PRR5L: variants seen among roughly 807,000 people sequenced by gnomAD.
The protein encoded by PRR5L is proline rich 5 like, also known as proline-rich protein 5-like.
A neutral mutation model predicts 36.4 loss-of-function variants in PRR5L; 21 were observed. That is an observed-to-expected ratio of 0.58 (90% confidence interval 0.41 to 0.83). PRR5L has a LOEUF of 0.83. PRR5L is among the 40% of genes least tolerant of loss of function. PRR5L has a pLI of 0.00. For missense variants in PRR5L, 381 were observed against 473.3 expected (o/e 0.80, Z 1.81); for synonymous variants, 188 against 197.0 (o/e 0.95, Z 0.38).
At chr11:36,439,431 T>C (rs1185655242) in intron 6 of PRR5L, among the ~76,000 whole-genome samples, 2 of 152,140 alleles carry the variant, frequency 1.3e-5, no homozygotes, top group Admixed American at 6.5e-5. Context: ...GATGGTAAGA[T>C]CTGGCAACAA....
chr11:36,331,452 T>C (rs77624539), intron 1 of PRR5L, among the ~76,000 whole-genome samples: 14,633 of 152,216 alleles, frequency 0.096, 1,290 homozygotes, highest in African/African-American at 0.24. Flanking sequence ...GATTTGGTTC[T>C]CTTAAATAAA....
intron 3 of PRR5L, among the ~76,000 whole-genome samples, chr11:36,417,451 C>G (rs931303234): frequency 2.6e-5 from 4 of 152,210 alleles, no homozygotes; most frequent in African/African-American, 7.2e-5. Context: ...CCAACCCGCT[C>G]TTAGTCCAGT....
At position 36,385,878 on chromosome 11, in the gene PRR5L, C is replaced by T. The variant is rs150705347; in HGVS notation, c.-125-15119C>T. 1.2e-4 allele frequency among the ~76,000 whole-genome samples: 18 copies of T among 152,320 alleles called. No individual in the cohort carries two copies. The East Asian group carries it at 3.5e-3, about 29-fold the overall frequency. On this transcript the variant is annotated intron_variant, in intron 1 of 8. Coordinates refer to ENST00000530639, the MANE Select transcript of PRR5L (RefSeq NM_001160167.2). The stretch of plus-strand genomic sequence containing the variant: ...ACCCATGTGGTCCAGGTCTACGTCC[C>T]CGTGGACAATAATGCTTAGGTGGAC...
intron 1 of PRR5L, among the ~76,000 whole-genome samples, chr11:36,345,829 G>A (rs1286566177): frequency 1.3e-5 from 2 of 152,224 alleles, no homozygotes; most frequent in Non-Finnish European, 2.9e-5. Context: ...AGAAAGCTGG[G>A]AAGCGTCTAG....
At chr11:36,322,641 C>A (rs143864391) in intron 1 of PRR5L, among the ~76,000 whole-genome samples, 1 of 152,300 alleles carries the variant, frequency 6.6e-6, no homozygotes, top group Non-Finnish European at 1.5e-5. Context: ...AGTACTGCAT[C>A]TTTGGGACAC....
At chr11:36,376,029 G>A (rs1293041619) in intron 1 of PRR5L, 5 of 587,136 alleles carry the variant, frequency 8.5e-6, no homozygotes, top group Non-Finnish European at 1.4e-5. Context: ...GGGGGCGGGG[G>A]TCGGCTGCAG....
intron 7 of PRR5L, among the ~76,000 whole-genome samples, chr11:36,450,996 G>T (rs1001497456): frequency 6.6e-6 from 1 of 152,228 alleles, no homozygotes; most frequent in African/African-American, 2.4e-5. Flanking sequence ...AGGCTGCTGT[G>T]GTACTAACCA....
In PRR5L at chr11:36,373,380, T is replaced by C. The variant is rs372883327; in HGVS notation, c.-125-27617T>C. On this transcript the variant is annotated intron_variant, in intron 1 of 8. Transcript: ENST00000530639. ...AGAATTTGGCTGGTGACAAGCATCA[T>C]ATATTGGCATTAATGGTCCTTAAGG... 1.2e-4 allele frequency among the ~76,000 whole-genome samples: 18 copies of C among 152,266 alleles called. No homozygotes were observed. In the South Asian group the frequency reaches 3.7e-3, roughly 32 times the overall value.
intron 1 of PRR5L, among the ~76,000 whole-genome samples, chr11:36,395,921 G>T (rs7112712): frequency 6.6e-6 from 1 of 151,752 alleles, no homozygotes; most frequent in Non-Finnish European, 1.5e-5. Context: ...GTAGAGACAG[G>T]GTCTCACTAC....
intron 1 of PRR5L, among the ~76,000 whole-genome samples, chr11:36,346,663 G>C (rs533476675): frequency 2.0e-5 from 3 of 152,156 alleles, no homozygotes; most frequent in Non-Finnish European, 2.9e-5. Context: ...TCAGTGTCTA[G>C]CAATAGTGAA....
rs200786830 is a variant in PRR5L, at chr11:36,462,372, T to C, written c.743T>C (p.Val248Ala). The C allele has an allele frequency of 3.7e-5, 56 of 1,515,260 alleles. 1 individual carries two copies. The highest frequency in any genetic ancestry group is 1.1e-4 in the Admixed American group (5 of 46,294). 93.9% of individuals were successfully genotyped at this position (1,515,260 alleles called of 1,614,324 possible). Residue 248 changes from valine (V) to alanine (A), a missense_variant, in exon 9 of 9, where the codon GTG becomes GCG. Physicochemically the swap from Val to Ala is moderately conservative, Grantham distance 64. Coordinates refer to ENST00000530639, the MANE Select transcript of PRR5L (RefSeq NM_001160167.2). ...ARRHSRVRPKVTVLNYASPIT... is the reference protein window; with the variant it reads ...ARRHSRVRPKATVLNYASPIT... The stretch of plus-strand genomic sequence containing the variant: ...CGGCACTCCAGGGTCCGGCCCAAGG[T>C]GACTGTCCTGAACTATGCCTCCCCG...
chr11:36,317,052 G>A (rs996815517), intron 1 of PRR5L, among the ~76,000 whole-genome samples: 1 of 152,112 alleles, frequency 6.6e-6, no homozygotes, highest in South Asian at 2.1e-4. Context: ...CTAGACTAAG[G>A]CTCTGAATGG....
intron 4 of PRR5L, among the ~76,000 whole-genome samples, chr11:36,429,739 C>T (rs1177884336): frequency 6.6e-6 from 1 of 152,160 alleles, no homozygotes; most frequent in East Asian, 1.9e-4. Flanking sequence ...GAGAACCTCA[C>T]CTGGACTAGG....
intron 3 of PRR5L, among the ~76,000 whole-genome samples, chr11:36,418,628 C>T (rs1454256004): frequency 6.6e-6 from 1 of 151,996 alleles, no homozygotes; most frequent in Non-Finnish European, 1.5e-5. Context: ...AACTCTGTCT[C>T]TACTAAAAAT....
intron 1 of PRR5L, among the ~76,000 whole-genome samples, chr11:36,368,451 C>G (rs1486228003): frequency 3.9e-5 from 6 of 152,100 alleles, no homozygotes; most frequent in Admixed American, 3.9e-4. Flanking sequence ...ATTTTTAGGG[C>G]CTCAGCAGAA....
intron 7 of PRR5L, among the ~76,000 whole-genome samples, chr11:36,447,200 T>A (rs1858848951): frequency 6.6e-6 from 1 of 152,182 alleles, no homozygotes; most frequent in Non-Finnish European, 1.5e-5. Flanking sequence ...ATCCAGACAA[T>A]CACTGTATGA....
chr11:36,397,473 T>TTTTA (rs869087936), intron 1 of PRR5L, among the ~76,000 whole-genome samples: 1 of 99,078 alleles, frequency 1.0e-5, no homozygotes, highest in African/African-American at 3.6e-5. Flanking sequence ...TTTTTTTTTT[T>TTTTA]GAGAGAGAAG....
intron 1 of PRR5L, among the ~76,000 whole-genome samples, chr11:36,337,726 C>T (rs1013198141): frequency 6.6e-6 from 1 of 152,234 alleles, no homozygotes; most frequent in Non-Finnish European, 1.5e-5. Context: ...ATTCATCTTA[C>T]AACCTGCCTG....
Position 36,437,490 on chromosome 11 carries a change from G to A in PRR5L, c.444+14G>A, listed in dbSNP as rs2133606290. On this transcript the variant is annotated intron_variant, in intron 6 of 8. Coordinates refer to ENST00000530639, the MANE Select transcript of PRR5L (RefSeq NM_001160167.2). ...TATCCAGTTCAGGTTAGTCTCATTG[G>A]GGAACACTTCCTGCCATCCTCAGCG... 1.3e-6 allele frequency: 2 copies of A among 1,491,358 alleles called. No homozygotes were observed. The highest frequency in any genetic ancestry group is 1.7e-5 in the Admixed American group (1 of 58,480). The allele number at this position is 1,491,358 out of a possible 1,614,324, so 92.4% of individuals were successfully genotyped here.
Sources: allele counts gnomAD v4.1 joint callset (sites outside exome capture counted in the v4.1 genomes callset), GRCh38; gene constraint gnomAD v4.1.1; transcripts MANE v1.5; gene names NCBI Gene and HGNC (gene_info 2026-07-23, HGNC 2026-07-21).